EXOC3L4: variants seen among roughly 807,000 people sequenced by gnomAD.
EXOC3L4 encodes the protein exocyst complex component 3 like 4, also known as exocyst complex component 3-like protein 4.
In EXOC3L4, 62 loss-of-function variants were observed where a neutral mutation model predicts 69.7. That is an observed-to-expected ratio of 0.89 (90% confidence interval 0.72 to 1.10). EXOC3L4 has a LOEUF of 1.10. EXOC3L4 is among the 50% of genes least tolerant of loss of function. The pLI is 0.00. For synonymous variants in EXOC3L4, 502 were observed against 464.2 expected (o/e 1.08, Z -1.05); for missense variants, 1,087 against 1,034.8 (o/e 1.05, Z -0.69).
intron 10 of EXOC3L4, 124 bp from the exon 11 acceptor site, chr14:103,108,272 A>G (rs1890691118): frequency 1.4e-6 from 2 of 1,418,178 alleles, no homozygotes; most frequent in Non-Finnish European, 9.5e-7. Context: ...GCACCGAGCC[A>G]GAGTGACTAC....
In EXOC3L4 at chr14:103,097,560, G is replaced by A. The variant is rs73356618; in HGVS notation, c.-16-2644G>A. 0.096 allele frequency among the ~76,000 whole-genome samples: 14,575 copies of A among 152,164 alleles called. 2,290 individuals carry two copies. The highest frequency in any genetic ancestry group is 0.33 in the African/African-American group (13,696 of 41,444). On this transcript the variant is annotated intron_variant, in intron 1 of 11. Transcript: ENST00000688303. This position sits in a 1 kb window ranked among gnomAD's most constrained non-coding sequence, Gnocchi z 4.9. ...GCAGGCCAGCCGGGGGTGGCAGGGC[G>A]ACCCTGATACCGATGTTCCGCCTGC...
In EXOC3L4 at chr14:103,100,251, C is replaced by G. The variant is rs139791913; in HGVS notation, c.32C>G (p.Pro11Arg). Residue 11 changes from proline to arginine, a missense_variant, in exon 2 of 12, where the codon CCG (proline) becomes CGG (arginine). Physicochemically the swap from Pro to Arg is moderately radical, Grantham distance 103 (BLOSUM62 -2). Coordinates refer to ENST00000688303, the MANE Select transcript of EXOC3L4 (RefSeq NM_001077594.2). ...TCACCACAGACAGACACTCCTGGGCCGGAGCTGCAGAGTCCCAAGGAGGCT... is the reference window on the plus strand; with the variant it reads ...TCACCACAGACAGACACTCCTGGGCGGGAGCTGCAGAGTCCCAAGGAGGCT... MPSPQTDTPGPELQSPKEAEE... is the reference protein window; with the variant it reads MPSPQTDTPGRELQSPKEAEE... 8.2e-6 allele frequency: 13 copies of G among 1,579,828 alleles called. No homozygotes were observed. The South Asian group carries it at 1.2e-4, about 14-fold the overall frequency.
chr14:103,107,380 G>T (rs748630355), intron 8 of EXOC3L4, 44 bp from the exon 9 acceptor site: 11 of 1,592,842 alleles, frequency 6.9e-6, no homozygotes, highest in Non-Finnish European at 9.4e-6. Context: ...GTTACGTTGC[G>T]GGCGTAGTGC....
chr14:103,110,392 C>T lies in EXOC3L4; in HGVS notation c.*169C>T, dbSNP rs372270295. ...CAGCTGTCAGGCCAGAAGGAGCAGC[C>T]GTGCAGGAGGCATTTCAGGCATCGT... On this transcript the variant is annotated 3_prime_UTR_variant, in exon 12 of 12. Transcript: ENST00000688303. The T allele has an allele frequency of 1.6e-3, 1,291 of 812,998 alleles. 12 individuals are homozygous for T. In the African/African-American group the frequency reaches 0.018, roughly 12 times the overall value. 50.4% of individuals were successfully genotyped at this position (812,998 alleles called of 1,614,324 possible).
chr14:103,096,401 C>CTTTT (rs56362121), intron 1 of EXOC3L4, among the ~76,000 whole-genome samples: 3 of 131,910 alleles, frequency 2.3e-5, no homozygotes, highest in African/African-American at 8.4e-5. Context: ...TGGCAAGATT[C>CTTTT]TTTTTTTTTT....
rs1272532810 is a variant in EXOC3L4, at chr14:103,102,632, G to T, written c.909G>T (p.Ala303=). 1 of 1,498,924 alleles carries T rather than the reference G, an allele frequency of 6.7e-7. No homozygotes were observed. Among genetic ancestry groups the T allele is most frequent in the South Asian group, 1.3e-5 (1 of 79,394 alleles). The allele number at this position is 1,498,924 out of a possible 1,614,324, so 92.9% of individuals were successfully genotyped here. A position where few individuals can be genotyped will look rare whatever the true frequency, so the allele number is the denominator to read the frequency against. The part of the protein sequence containing the change: ...VRQEVQPAYA[A]AGFPAWEVYL... Reference sequence around the variant, plus strand: ...AGGAGGTGCAGCCCGCGTATGCGGCGGCCGGCTTCCCAGCGTGGGAGGTCT... The same window carrying T: ...AGGAGGTGCAGCCCGCGTATGCGGCTGCCGGCTTCCCAGCGTGGGAGGTCT... The change falls in exon 3 of 12, where the codon GCG becomes GCT. Residue 303 remains alanine, a synonymous_variant. Transcript: ENST00000688303.
At chr14:103,094,239 G>T (rs1008713930), upstream of EXOC3L4, among the ~76,000 whole-genome samples, 2 of 152,126 alleles carry the variant, frequency 1.3e-5, no homozygotes, top group African/African-American at 2.4e-5. Context: ...AAGCCCCCAG[G>T]AATGGCATGT....
At chr14:103,105,493 G>A (rs1890495992) in intron 7 of EXOC3L4, among the ~76,000 whole-genome samples, 4 of 152,052 alleles carry the variant, frequency 2.6e-5, no homozygotes, top group Admixed American at 2.6e-4. Context: ...TCCGAGCAGG[G>A]GCCCTGGGGG....
At chr14:103,098,559 A>T (rs1818601415) in intron 1 of EXOC3L4, 1 of 152,238 alleles carries the variant, frequency 6.6e-6, no homozygotes. Context: ...GTTCTCCCAA[A>T]CAAGAAGGCG....
At chr14:103,103,698 C>T (rs1890349684) in intron 3 of EXOC3L4, 1 of 510,620 alleles carries the variant, frequency 2.0e-6, no homozygotes, top group South Asian at 2.6e-5. Context: ...GGAGTGCCAT[C>T]TGGGTAGCCG....
At chr14:103,095,291 G>A (rs1222749837) in intron 1 of EXOC3L4, among the ~76,000 whole-genome samples, 3 of 152,240 alleles carry the variant, frequency 2.0e-5, no homozygotes, top group African/African-American at 4.8e-5. Flanking sequence ...GCTGGGGGCT[G>A]AGTCAGGCTC....
At chr14:103,106,738 C>G (rs763553958) in intron 7 of EXOC3L4, 47 bp from the exon 8 acceptor site, 4 of 1,244,810 alleles carry the variant, frequency 3.2e-6, no homozygotes, top group Non-Finnish European at 3.4e-6. Context: ...TATTCCCCAG[C>G]CTGGTCTCCC....
rs1236279245 is a variant in EXOC3L4, at chr14:103,097,361, A to C, written c.-17+2521A>C. ...CAGCATAGGAGCCGGGGCCCCCTGG[A>C]CTCTCCGGGCACTGGGGACAGAGAG... On this transcript the variant is annotated intron_variant, in intron 1 of 11. Transcript: ENST00000688303. The surrounding 1 kb of genome is among the most constrained non-coding windows in gnomAD (Gnocchi z 4.9). Among the ~76,000 whole-genome samples, 2 of 151,870 alleles carry C rather than the reference A, an allele frequency of 1.3e-5. No homozygotes were observed. The highest frequency in any genetic ancestry group is 2.9e-5 in the Non-Finnish European group (2 of 67,944).
chr14:103,104,578 T>C lies in EXOC3L4; in HGVS notation c.1285-160T>C, dbSNP rs1890425046. On this transcript the variant is annotated intron_variant, in intron 5 of 11. Transcript: ENST00000688303. ...GGGCAGGGAGGCTGCTGGATGGGAG[T>C]TTGCGGGAGTTGACTCTCCAGTTGG... The C allele has an allele frequency of 2.4e-6, 3 of 1,226,860 alleles. No individual in the cohort carries two copies. In the East Asian group the frequency reaches 8.8e-5, roughly 36 times the overall value. The allele number at this position is 1,226,860 out of a possible 1,614,324, so 76.0% of individuals were successfully genotyped here.
Position 103,102,201 on chromosome 14 carries a change from G to A in EXOC3L4, c.478G>A (p.Val160Met), listed in dbSNP as rs1318284277. The A allele has an allele frequency of 3.1e-6, 5 of 1,598,032 alleles. No homozygotes were observed. The African/African-American group carries it at 6.7e-5, about 21-fold the overall frequency. ...GCTTCTGCGCCTGGAGACGCTGCTG[G>A]TGGCCGAGAAGGCCTCGCGCACCTT... is the stretch of plus-strand genomic sequence containing the variant. The part of the protein sequence containing the change: ...EQLLRLETLL[V>M]AEKASRTFEQ... The change falls in exon 3 of 12, where the codon GTG becomes ATG. Residue 160 changes from valine (V) to methionine (M), a missense_variant. Transcript: ENST00000688303.
At position 103,102,735 on chromosome 14, in the gene EXOC3L4, T is replaced by C. The variant is rs1257240101; in HGVS notation, c.1012T>C (p.Tyr338His). 1.4e-6 allele frequency: 2 copies of C among 1,425,776 alleles called. No homozygotes were observed. The highest frequency in any genetic ancestry group is 1.8e-6 in the Non-Finnish European group (2 of 1,092,568). 88.3% of individuals were successfully genotyped at this position (1,425,776 alleles called of 1,614,324 possible). Residue 338 changes from tyrosine to histidine, a missense_variant, in exon 3 of 12, where the codon TAT becomes CAT. By Grantham distance (83) the Tyr-to-His change is moderately conservative. Coordinates refer to ENST00000688303, the MANE Select transcript of EXOC3L4 (RefSeq NM_001077594.2). Reference sequence around the variant, plus strand: ...CGACGCCCGCGGCTGCGAGCAGCTCTATATCCTGCTGGACTGGGCCGCCAA... The same window carrying C: ...CGACGCCCGCGGCTGCGAGCAGCTCCATATCCTGCTGGACTGGGCCGCCAA... ...ARDARGCEQL[Y>H]ILLDWAANVY...
At position 103,107,611 on chromosome 14, in the gene EXOC3L4, C is replaced by T; in HGVS notation, c.1702-20C>T. On this transcript the variant is annotated intron_variant, in intron 9 of 11. Transcript: ENST00000688303. Reference sequence around the variant, plus strand: ...TGGGGCTGTTGACCCTGACCCTGACCCTGACCCTGGGCCGCCCAGGAGACT... The same window carrying T: ...TGGGGCTGTTGACCCTGACCCTGACTCTGACCCTGGGCCGCCCAGGAGACT... The T allele has an allele frequency of 6.2e-7, 1 of 1,603,716 alleles. No individual in the cohort carries two copies. Among genetic ancestry groups the T allele is most frequent in the East Asian group, 2.2e-5 (1 of 44,466 alleles).
intron 1 of EXOC3L4, among the ~76,000 whole-genome samples, chr14:103,096,151 A>C (rs988183256): frequency 3.9e-5 from 6 of 152,300 alleles, no homozygotes; most frequent in South Asian, 4.1e-4. Context: ...CAGAAGTTTG[A>C]GACCAGCCTG....
At chr14:103,099,413 G>A (rs1301114747) in intron 1 of EXOC3L4, among the ~76,000 whole-genome samples, 1 of 152,226 alleles carries the variant, frequency 6.6e-6, no homozygotes, top group Non-Finnish European at 1.5e-5. Context: ...CATTCCCTGT[G>A]TTGGGGAGGG....
Sources: allele counts gnomAD v4.1 joint callset (sites outside exome capture counted in the v4.1 genomes callset), GRCh38; gene constraint gnomAD v4.1.1; non-coding constraint Gnocchi (gnomAD v3.1); transcripts MANE v1.5; gene names NCBI Gene and HGNC (gene_info 2026-07-23, HGNC 2026-07-21).